SAMD3: variants seen among roughly 807,000 people sequenced by gnomAD.
SAMD3 encodes the protein sterile alpha motif domain containing 3, also known as sterile alpha motif domain-containing protein 3.
In SAMD3, 63 loss-of-function variants were observed where a neutral mutation model predicts 58.5. That is an observed-to-expected ratio of 1.08 (90% CI 0.88 to 1.33). SAMD3 has a LOEUF of 1.33. Ranked by LOEUF, SAMD3 falls within the 40% of genes most tolerant of loss-of-function variation. The probability of loss-of-function intolerance (pLI) is 0.00; values close to 1 mark genes in which losing one functional copy is unlikely to be tolerated. For synonymous variants in SAMD3, 220 were observed against 210.3 expected (o/e 1.05, Z -0.40); for missense variants, 604 against 608.4 (o/e 0.99, Z 0.08).
At chr6:130,219,862 A>G (rs1359191167) in intron 1 of SAMD3, among the ~76,000 whole-genome samples, 1 of 152,238 alleles carries the variant, frequency 6.6e-6, no homozygotes, top group East Asian at 1.9e-4. Flanking sequence ...TACTTTTATA[A>G]AAATTAGTGT....
chr6:130,278,815 A>G (rs62431253), intron 2 of SAMD3, among the ~76,000 whole-genome samples: 2,321 of 149,502 alleles, frequency 0.016, 19 homozygotes, highest in Non-Finnish European at 0.022. Context: ...GGAGAACTGG[A>G]TAGTAGTAAA....
chr6:130,297,251 A>G (rs1211121679), intron 2 of SAMD3, among the ~76,000 whole-genome samples: 1 of 152,258 alleles, frequency 6.6e-6, no homozygotes, highest in African/African-American at 2.4e-5. Context: ...GCCACTGCAC[A>G]GAAGCTATCC....
intron 2 of SAMD3, among the ~76,000 whole-genome samples, chr6:130,246,226 A>G (rs1274346347): frequency 6.6e-6 from 1 of 152,244 alleles, no homozygotes; most frequent in Non-Finnish European, 1.5e-5. Context: ...ATATAAATAT[A>G]TGTACCTTGT....
chr6:130,277,521 C>T (rs531316547), intron 2 of SAMD3, among the ~76,000 whole-genome samples: 3 of 152,336 alleles, frequency 2.0e-5, no homozygotes, highest in East Asian at 3.9e-4. Context: ...TTCTATTAAA[C>T]ATTCATAAAT....
intron 5 of SAMD3, among the ~76,000 whole-genome samples, chr6:130,195,061 C>T (rs536009819): frequency 0.026 from 3,888 of 152,198 alleles, 65 homozygotes; most frequent in Middle Eastern, 0.044. Flanking sequence ...TTTTAAGCAC[C>T]CCTTTTTAAT....
rs570445515 is a variant in SAMD3, at chr6:130,253,619, T to A, written c.-187-30806A>T. Among the ~76,000 whole-genome samples the A allele has an allele frequency of 1.5e-3, 225 of 152,260 alleles. 3 individuals are homozygous for A. Among genetic ancestry groups the A allele is most frequent in the Non-Finnish European group, 1.6e-3 (111 of 68,016 alleles). ...GCTATATTTATAGAATATAAGATTT[T>A]AAATATGTGTTATATGTATAATTTT... On this transcript the variant is annotated intron_variant, in intron 2 of 13. Coordinates refer to the SAMD3 transcript ENST00000368134.
At chr6:130,157,761 A>G (rs1346614630) in intron 8 of SAMD3, among the ~76,000 whole-genome samples, 3 of 152,242 alleles carry the variant, frequency 2.0e-5, no homozygotes, top group African/African-American at 4.8e-5. Context: ...AATAAAAGGT[A>G]TAAAAATTGA....
At chr6:130,251,563 A>T (rs954074847) in intron 2 of SAMD3, among the ~76,000 whole-genome samples, 1 of 152,144 alleles carries the variant, frequency 6.6e-6, no homozygotes, top group Non-Finnish European at 1.5e-5. Context: ...ATATGAGGTG[A>T]GGAAAAAATG....
At chr6:130,291,986 C>T (rs1042630255) in intron 2 of SAMD3, among the ~76,000 whole-genome samples, 2 of 152,148 alleles carry the variant, frequency 1.3e-5, no homozygotes, top group Non-Finnish European at 2.9e-5. Flanking sequence ...AAAAATTTAA[C>T]AGGTCAGTTA....
chr6:130,287,859 C>A (rs551718791), intron 2 of SAMD3, among the ~76,000 whole-genome samples: 186 of 151,562 alleles, frequency 1.2e-3, no homozygotes, highest in African/African-American at 4.1e-3. Flanking sequence ...GCAGGAGAAT[C>A]GCTTGAACCC....
At chr6:130,157,629 T>C (rs1047528514) in intron 8 of SAMD3, among the ~76,000 whole-genome samples, 1 of 152,180 alleles carries the variant, frequency 6.6e-6, no homozygotes, top group Non-Finnish European at 1.5e-5. Context: ...GCCTGACAGA[T>C]ATGATTTTTA....
intron 9 of SAMD3, among the ~76,000 whole-genome samples, chr6:130,152,732 T>C (rs1789337672): frequency 6.6e-6 from 1 of 152,000 alleles, no homozygotes; most frequent in African/African-American, 2.4e-5. Flanking sequence ...ATTCAATAAG[T>C]ACAGTCATTA....
intron 8 of SAMD3, among the ~76,000 whole-genome samples, chr6:130,164,425 T>C (rs1790544483): frequency 6.6e-6 from 1 of 152,162 alleles, no homozygotes; most frequent in South Asian, 2.1e-4. Context: ...CTAAAGATAG[T>C]ACAAGGACAC....
intron 1 of SAMD3, among the ~76,000 whole-genome samples, chr6:130,353,460 A>G (rs1014921183): frequency 7.2e-5 from 11 of 152,178 alleles, no homozygotes; most frequent in African/African-American, 2.7e-4. Flanking sequence ...TTCCAAAAAT[A>G]AAATTCTAAT....
chr6:130,318,443 T>C (rs1165234742), intron 1 of SAMD3, among the ~76,000 whole-genome samples: 1 of 152,202 alleles, frequency 6.6e-6, no homozygotes, highest in African/African-American at 2.4e-5. Context: ...TAATTTTTTA[T>C]TTTGAGACAA....
intron 6 of SAMD3, 58 bp downstream of exon 6, chr6:130,184,380 A>G: frequency 1.3e-6 from 2 of 1,519,456 alleles, no homozygotes; most frequent in Non-Finnish European, 1.8e-6. Flanking sequence ...CAGGAATTCT[A>G]CTCTATTCTG....
intron 2 of SAMD3, among the ~76,000 whole-genome samples, chr6:130,306,669 C>A (rs6569673): frequency 1.3e-5 from 2 of 152,016 alleles, no homozygotes; most frequent in African/African-American, 2.4e-5. Context: ...TGAAATATAG[C>A]TTGCAGACTT....
In SAMD3 at chr6:130,327,538, C is replaced by T. The variant is rs2115008420; in HGVS notation, c.-303-14445G>A. The stretch of plus-strand genomic sequence containing the variant: ...ACCAGACAACTCTTTAAATAAAAAT[C>T]AATCTAATAAAAATAGCCATTAGAC... On this transcript the variant is annotated intron_variant, in intron 1 of 13. Transcript: ENST00000368134. Among the ~76,000 whole-genome samples the T allele has an allele frequency of 1.3e-5, 2 of 152,192 alleles. 1 individual carries two copies. Among genetic ancestry groups the T allele is most frequent in the South Asian group, 4.1e-4 (2 of 4,822 alleles).
At position 130,144,376 on chromosome 6, in the gene SAMD3, T is replaced by TAGA; in HGVS notation, c.*141_*143dup. 2 of 690,362 alleles carry TAGA rather than the reference T, an allele frequency of 2.9e-6. No homozygotes were observed. Among genetic ancestry groups the TAGA allele is most frequent in the South Asian group, 4.6e-5 (2 of 43,860 alleles). 42.8% of individuals were successfully genotyped at this position (690,362 alleles called of 1,614,324 possible). ...AGAACTTAATATCTAAGTGTAAAGA[T>TAGA]AGAAAGCATTGAAATTCATTAGCAT... On this transcript the variant is annotated 3_prime_UTR_variant, in exon 12 of 12. Transcript: ENST00000439090.
Sources: allele counts gnomAD v4.1 joint callset (sites outside exome capture counted in the v4.1 genomes callset), GRCh38; gene constraint gnomAD v4.1.1; transcripts MANE v1.5; gene names NCBI Gene and HGNC (gene_info 2026-07-23, HGNC 2026-07-21).